Variants in ZCCHC7 observed in about 807,000 individuals in gnomAD.
The protein encoded by ZCCHC7 is zinc finger CCHC domain-containing protein 7.
A neutral mutation model predicts 52.0 loss-of-function variants in ZCCHC7; 35 were observed. The observed-to-expected ratio is 0.67, with a 90% CI of 0.51 to 0.89. ZCCHC7 has a LOEUF of 0.89. ZCCHC7 is among the 40% of genes least tolerant of loss of function. ZCCHC7 has a pLI of 0.00. For synonymous variants in ZCCHC7, 217 were observed against 221.5 expected, an observed-to-expected ratio of 0.98 and a Z score of 0.18; for missense variants, 574 against 649.1, an observed-to-expected ratio of 0.88 and a Z score of 1.26.
chr9:37,263,704 G>C (rs961916209), intron 2 of ZCCHC7, among the ~76,000 whole-genome samples: 2 of 152,284 alleles, frequency 1.3e-5, no homozygotes, highest in South Asian at 4.1e-4. Flanking sequence ...TACGTTTGCA[G>C]AAGGGGTGCA....
chr9:37,242,180 G>A (rs972014315), intron 2 of ZCCHC7, among the ~76,000 whole-genome samples: 1 of 151,688 alleles, frequency 6.6e-6, no homozygotes, highest in African/African-American at 2.4e-5. Flanking sequence ...TATTAAATTA[G>A]TATTAAATAA....
chr9:37,257,937 A>T (rs1265837288), intron 2 of ZCCHC7, among the ~76,000 whole-genome samples: 1 of 152,196 alleles, frequency 6.6e-6, no homozygotes. Flanking sequence ...TCAGGTATTT[A>T]TAGCAACACA....
chr9:37,211,928 T>G (rs1193283780), intron 2 of ZCCHC7, among the ~76,000 whole-genome samples: 1 of 145,498 alleles, frequency 6.9e-6, no homozygotes, highest in Non-Finnish European at 1.5e-5. Flanking sequence ...CTTGGGAGGC[T>G]GAGGCGACAG....
At chr9:37,156,508 T>G (rs1820822519) in intron 2 of ZCCHC7, among the ~76,000 whole-genome samples, 1 of 152,208 alleles carries the variant, frequency 6.6e-6, no homozygotes, top group Non-Finnish European at 1.5e-5. Flanking sequence ...ATTCTCTGAA[T>G]GGAGTAAAAC....
intron 2 of ZCCHC7, among the ~76,000 whole-genome samples, chr9:37,288,304 C>A (rs1447584241): frequency 6.7e-6 from 1 of 149,084 alleles, no homozygotes; most frequent in East Asian, 2.0e-4. Flanking sequence ...ATCTATCTAT[C>A]TATCTATATA....
At chr9:37,306,684 C>T (rs544002952) in intron 5 of ZCCHC7, among the ~76,000 whole-genome samples, 48 of 139,232 alleles carry the variant, frequency 3.4e-4, no homozygotes, top group South Asian at 2.6e-3. Context: ...AGGATGGTCT[C>T]GATCTCCTGA....
intron 2 of ZCCHC7, among the ~76,000 whole-genome samples, chr9:37,278,380 A>C (rs999503508): frequency 1.3e-5 from 2 of 152,234 alleles, no homozygotes; most frequent in Non-Finnish European, 2.9e-5. Flanking sequence ...TGTAATAAAA[A>C]TTCACTGTGT....
intron 2 of ZCCHC7, among the ~76,000 whole-genome samples, chr9:37,251,318 A>G (rs2133395487): frequency 1.3e-5 from 2 of 152,320 alleles, no homozygotes; most frequent in South Asian, 4.1e-4. Context: ...TCTTATGTCA[A>G]GATCTTGAAA....
chr9:37,241,865 T>C (rs923600373), intron 2 of ZCCHC7, among the ~76,000 whole-genome samples: 2 of 151,800 alleles, frequency 1.3e-5, no homozygotes, highest in African/African-American at 4.8e-5. Context: ...AACTTCCAAA[T>C]TGACTGCTGT....
At chr9:37,125,783 G>A (rs1842515101) in intron 1 of ZCCHC7, among the ~76,000 whole-genome samples, 1 of 152,206 alleles carries the variant, frequency 6.6e-6, no homozygotes, top group South Asian at 2.1e-4. Context: ...ATCATGTGCT[G>A]CATAATAGCA....
chr9:37,167,883 C>A (rs1821514077), intron 2 of ZCCHC7, among the ~76,000 whole-genome samples: 1 of 152,176 alleles, frequency 6.6e-6, no homozygotes, highest in Non-Finnish European at 1.5e-5. Context: ...TGTGTGAATG[C>A]CTGGTACTAT....
intron 5 of ZCCHC7, among the ~76,000 whole-genome samples, chr9:37,316,642 A>G (rs1170715538): frequency 6.6e-6 from 1 of 152,190 alleles, no homozygotes; most frequent in African/African-American, 2.4e-5. Context: ...TTATTCTTAT[A>G]AGAATTTGGC....
At chr9:37,231,945 A>G (rs1221986931) in intron 2 of ZCCHC7, among the ~76,000 whole-genome samples, 3 of 152,220 alleles carry the variant, frequency 2.0e-5, no homozygotes, top group Admixed American at 6.5e-5. Flanking sequence ...CCTTTCTGCT[A>G]TTCTAAAATA....
At chr9:37,288,297 TATCTATCTATCTATATAG>T (rs1312001164) in intron 2 of ZCCHC7, among the ~76,000 whole-genome samples, 1 of 149,636 alleles carries the variant, frequency 6.7e-6, no homozygotes, top group Admixed American at 6.6e-5. Context: ...AAAAAAAATC[TATCTATCTATCTATATAG>T]ATAGATAGAT....
At chr9:37,211,498 ACACTAGAGATTTT>A (rs1824212278) in intron 2 of ZCCHC7, among the ~76,000 whole-genome samples, 1 of 151,178 alleles carries the variant, frequency 6.6e-6, no homozygotes, top group African/African-American at 2.5e-5. Flanking sequence ...GCTTTGATTC[ACACTAGAGATTTT>A]TTTTTATTTA....
At chr9:37,153,491 A>G (rs576258089) in intron 2 of ZCCHC7, among the ~76,000 whole-genome samples, 122 of 151,284 alleles carry the variant, frequency 8.1e-4, no homozygotes, top group African/African-American at 2.7e-3. Flanking sequence ...ATTTGTGGTT[A>G]TTTTTTAGGG....
intron 2 of ZCCHC7, among the ~76,000 whole-genome samples, chr9:37,229,060 C>G (rs1029379816): frequency 1.3e-5 from 2 of 152,042 alleles, no homozygotes; most frequent in Admixed American, 1.3e-4. Context: ...GTCTCGAACT[C>G]CTGAGCTCAA....
At chr9:37,225,532 A>G (rs1825051595) in intron 2 of ZCCHC7, among the ~76,000 whole-genome samples, 1 of 152,194 alleles carries the variant, frequency 6.6e-6, no homozygotes, top group South Asian at 2.1e-4. Flanking sequence ...TAGACACAAA[A>G]AATTATTAAC....
At chr9:37,214,841 C>G (rs557306314) in intron 2 of ZCCHC7, among the ~76,000 whole-genome samples, 2 of 151,932 alleles carry the variant, frequency 1.3e-5, no homozygotes, top group African/African-American at 4.8e-5. Flanking sequence ...AAGTCATATA[C>G]TTTTTTGTTA....
Sources: allele counts gnomAD v4.1 joint callset (sites outside exome capture counted in the v4.1 genomes callset), GRCh38; gene constraint gnomAD v4.1.1; transcripts MANE v1.5; gene names NCBI Gene and HGNC (gene_info 2026-07-23, HGNC 2026-07-21).